KSR2: variants seen among roughly 807,000 people sequenced by gnomAD.
KSR2 encodes kinase suppressor of ras 2.
In KSR2, 25 loss-of-function variants were observed where a neutral mutation model predicts 107.8. The ratio of observed to expected loss-of-function variants is 0.23; its 90% CI spans 0.17 to 0.32. The LOEUF is 0.32. Among genes scored for constraint, KSR2 ranks in the 10% least tolerant of loss-of-function variants. The pLI, the probability that KSR2 is intolerant of heterozygous loss-of-function variation, is 1.00. For missense variants in KSR2, 887 were observed against 1,268.9 expected (o/e 0.70, Z 4.57); for synonymous variants, 480 against 507.0 (o/e 0.95, Z 0.71).
chr12:117,672,447 A>C (rs2136503402), intron 4 of KSR2, among the ~76,000 whole-genome samples: 1 of 152,268 alleles, frequency 6.6e-6, no homozygotes, highest in South Asian at 2.1e-4. Context: ...GGCTATTGTG[A>C]GAATTCTATG....
rs117463705 is a variant in KSR2 at position 117,907,145 on chromosome 12, G to A, written c.181-46714C>T. ...CTATTATCCCCCCTTTGGATAGATG[G>A]GGAAGCTGAAGCTCACGGAGATTAA... On this transcript the variant is annotated intron_variant, in intron 1 of 19. Coordinates refer to ENST00000339824, the MANE Select transcript of KSR2 (RefSeq NM_173598.6). This position sits in a 1 kb window ranked among gnomAD's most constrained non-coding sequence, Gnocchi z 4.3. 8.6e-3 allele frequency among the ~76,000 whole-genome samples: 1,302 copies of A among 152,270 alleles called. 16 individuals are homozygous for A. The highest frequency in any genetic ancestry group is 0.017 in the Middle Eastern group (5 of 294).
At chr12:117,802,724 C>A (rs557213646) in intron 3 of KSR2, among the ~76,000 whole-genome samples, 1 of 152,330 alleles carries the variant, frequency 6.6e-6, no homozygotes, top group African/African-American at 2.4e-5. Context: ...CCACCCACCC[C>A]CTTTTCCCCA....
At chr12:117,649,526 C>T (rs1883796852) in intron 5 of KSR2, among the ~76,000 whole-genome samples, 1 of 152,160 alleles carries the variant, frequency 6.6e-6, no homozygotes. Context: ...TCATTTCATC[C>T]CAATAATCAA....
rs571881764 is a variant in KSR2 at position 117,462,685 on chromosome 12, G to A, written c.*4514C>T. 21 of 152,428 alleles carry A rather than the reference G, an allele frequency of 1.4e-4. No homozygotes were observed. Among genetic ancestry groups the A allele is most frequent in the African/African-American group, 5.1e-4 (21 of 41,562 alleles). 9.4% of individuals were successfully genotyped at this position (152,428 alleles called of 1,614,324 possible). A position where few individuals can be genotyped will look rare whatever the true frequency, so the allele number is the denominator to read the frequency against. ...GTCCTAGGAGCCTCACGGAGGTGAG[G>A]GGGGCTTGGGGATATGGTGGCACAG... On this transcript the variant is annotated 3_prime_UTR_variant, in exon 20 of 20. Coordinates refer to ENST00000339824, the MANE Select transcript of KSR2 (RefSeq NM_173598.6).
At chr12:117,582,932 G>A (rs1879756071) in intron 5 of KSR2, among the ~76,000 whole-genome samples, 1 of 152,116 alleles carries the variant, frequency 6.6e-6, no homozygotes, top group Admixed American at 6.5e-5. Flanking sequence ...CAACTGCCAA[G>A]TTATTTATTT....
chr12:117,720,066 A>G (rs1458243875), intron 4 of KSR2, among the ~76,000 whole-genome samples: 1 of 152,226 alleles, frequency 6.6e-6, no homozygotes, highest in African/African-American at 2.4e-5. Flanking sequence ...GAAGCTGGGT[A>G]TAGGGAGCAT....
In KSR2 at chr12:117,666,201, G is replaced by A. The variant is rs550183821; in HGVS notation, c.1171+1273C>T. Reference sequence around the variant, plus strand: ...CATACCCTCAGCTGATTCCTACCACGGATGCACCATAAACACCCATGGGCT... The same window carrying A: ...CATACCCTCAGCTGATTCCTACCACAGATGCACCATAAACACCCATGGGCT... On this transcript the variant is annotated intron_variant, in intron 5 of 19. Transcript: ENST00000339824. Among the ~76,000 whole-genome samples the A allele has an allele frequency of 2.4e-4, 37 of 152,202 alleles. 1 individual carries two copies. The South Asian group carries it at 7.5e-3, about 31-fold the overall frequency.
chr12:117,932,377 CCAGA>C (rs754144456), intron 1 of KSR2, among the ~76,000 whole-genome samples: 10 of 152,060 alleles, frequency 6.6e-5, no homozygotes, highest in South Asian at 2.1e-4. Context: ...GAAGCACAGG[CCAGA>C]CAAATTCCAG....
At position 117,817,303 on chromosome 12, in the gene KSR2, C is replaced by G. The variant is rs1455501941; in HGVS notation, c.472+38125G>C. Among the ~76,000 whole-genome samples, 3 of 152,164 alleles carry G rather than the reference C, an allele frequency of 2.0e-5. No individual in the cohort carries two copies. In the East Asian group the frequency reaches 5.8e-4, roughly 29 times the overall value. ...GAATTTCAAAACCATTCTAGCAAAA[C>G]TTCATTAGACTCTGAGTGTGTCATA... is the stretch of plus-strand genomic sequence containing the variant. On this transcript the variant is annotated intron_variant, in intron 3 of 19. Coordinates refer to ENST00000339824, the MANE Select transcript of KSR2 (RefSeq NM_173598.6).
chr12:117,581,425 C>A (rs1358913621), intron 6 of KSR2, among the ~76,000 whole-genome samples: 1 of 152,188 alleles, frequency 6.6e-6, no homozygotes, highest in East Asian at 1.9e-4. Flanking sequence ...AATAAGGGAA[C>A]AGGTCCTCCA....
chr12:117,838,881 T>A (rs540961223), intron 3 of KSR2, among the ~76,000 whole-genome samples: 15 of 152,224 alleles, frequency 9.9e-5, no homozygotes, highest in Non-Finnish European at 1.6e-4. Context: ...AGCTTGACAG[T>A]AAATATTTCA....
intron 3 of KSR2, among the ~76,000 whole-genome samples, chr12:117,824,538 T>G (rs1891670537): frequency 6.6e-6 from 1 of 152,154 alleles, no homozygotes; most frequent in Non-Finnish European, 1.5e-5. Context: ...TGTACACTTA[T>G]TATGCATTAA....
At chr12:117,567,542 C>G (rs144994530) in intron 7 of KSR2, among the ~76,000 whole-genome samples, 1 of 152,014 alleles carries the variant, frequency 6.6e-6, no homozygotes, top group Non-Finnish European at 1.5e-5. Context: ...AAGACACCCT[C>G]TGGCAGCAGA....
intron 1 of KSR2, among the ~76,000 whole-genome samples, chr12:117,909,877 C>T (rs1250791412): frequency 6.6e-6 from 1 of 150,378 alleles, no homozygotes; most frequent in Non-Finnish European, 1.5e-5. Flanking sequence ...CACTGCATTG[C>T]AGCCTAGGTG....
chr12:117,866,021 C>T (rs955890123), intron 1 of KSR2, among the ~76,000 whole-genome samples: 5 of 150,240 alleles, frequency 3.3e-5, no homozygotes, highest in African/African-American at 9.8e-5. Flanking sequence ...ACCTCTGTAA[C>T]ACTTGCTAAT....
At chr12:117,713,075 A>G (rs1163968632) in intron 4 of KSR2, among the ~76,000 whole-genome samples, 1 of 149,606 alleles carries the variant, frequency 6.7e-6, no homozygotes, top group Non-Finnish European at 1.5e-5. Flanking sequence ...ACTTATATAG[A>G]TAGATTATAG....
intron 4 of KSR2, among the ~76,000 whole-genome samples, chr12:117,714,163 G>A (rs1232235532): frequency 2.6e-5 from 4 of 152,236 alleles, no homozygotes; most frequent in Middle Eastern, 3.4e-3. Flanking sequence ...CCGATTTAAG[G>A]TTCAAATCTT....
At chr12:117,737,978 T>C (rs1051579949) in intron 4 of KSR2, among the ~76,000 whole-genome samples, 7 of 152,104 alleles carry the variant, frequency 4.6e-5, no homozygotes, top group Admixed American at 1.3e-4. Flanking sequence ...AGTCCCAAGG[T>C]GTGCAAGTCA....
intron 16 of KSR2, among the ~76,000 whole-genome samples, chr12:117,480,867 C>T (rs1218675173): frequency 6.6e-6 from 1 of 152,126 alleles, no homozygotes; most frequent in African/African-American, 2.4e-5. Context: ...GGCACCTCAA[C>T]CCAATTCTAC....
Sources: allele counts gnomAD v4.1 joint callset (sites outside exome capture counted in the v4.1 genomes callset), GRCh38; gene constraint gnomAD v4.1.1; non-coding constraint Gnocchi (gnomAD v3.1); transcripts MANE v1.5; gene names NCBI Gene and HGNC (gene_info 2026-07-23, HGNC 2026-07-21).